The following GABRD variants were observed in gnomAD, a reference collection of about 807,000 sequenced individuals.
The protein encoded by GABRD is gamma-aminobutyric acid receptor subunit delta.
GABRD carries 25 observed loss-of-function variants against 47.3 expected under a neutral mutation model. The observed-to-expected ratio is 0.53, with a 90% CI of 0.39 to 0.74. The LOEUF is 0.74. Ranked by LOEUF, GABRD falls within the 30% of genes least tolerant of loss-of-function variation. GABRD has a pLI of 0.00. For synonymous variants in GABRD, 314 were observed against 278.8 expected (o/e 1.13, Z -1.26); for missense variants, 497 against 643.4 (o/e 0.77, Z 2.46).
At chr1:2,027,756 A>G (rs1019251037) in intron 5 of GABRD, 97 bp downstream of exon 5, 1 of 1,130,356 alleles carries the variant, frequency 8.8e-7, no homozygotes, top group South Asian at 1.3e-5. Context: ...CCGGCTCAGG[A>G]TGCAGGAAAG....
intron 1 of GABRD, among the ~76,000 whole-genome samples, chr1:2,022,554 AG>A (rs1380105793): frequency 2.0e-5 from 3 of 152,262 alleles, no homozygotes; most frequent in African/African-American, 7.2e-5. Context: ...TGGCCCAGGA[AG>A]GACGGTGTCT....
rs150818595 is a variant in GABRD, at chr1:2,028,716, C to CT, written c.692-395_692-394insT. On this transcript the variant is annotated intron_variant, in intron 6 of 8. Coordinates refer to ENST00000378585, the MANE Select transcript of GABRD (RefSeq NM_000815.5). This position sits in a 1 kb window ranked among gnomAD's most constrained non-coding sequence, Gnocchi z 6.4. ...CCCACTTTCCCACCCCTACGCACCC[C>CT]GTCCCCGGTCATCCAGAGCCAGTGA... is the stretch of plus-strand genomic sequence containing the variant. 0.013 allele frequency among the ~76,000 whole-genome samples: 1,988 copies of CT among 152,288 alleles called. 25 individuals are homozygous for CT. Among genetic ancestry groups the CT allele is most frequent in the African/African-American group, 0.037 (1,532 of 41,570 alleles).
intron 4 of GABRD, 136 bp downstream of exon 4, chr1:2,025,874 G>A: frequency 1.5e-6 from 1 of 687,234 alleles, no homozygotes; most frequent in East Asian, 2.7e-5. Context: ...GGGGGGGGCA[G>A]AAGCTGCGCG....
intron 4 of GABRD, 75 bp downstream of exon 4, chr1:2,025,813 C>A: frequency 7.4e-7 from 1 of 1,359,804 alleles, no homozygotes; most frequent in African/African-American, 1.4e-5. Context: ...CGCTCCAAGG[C>A]TTGGAAAAGC....
chr1:2,020,996 C>T (rs919193139), intron 1 of GABRD, among the ~76,000 whole-genome samples: 6 of 152,212 alleles, frequency 3.9e-5, no homozygotes, highest in Admixed American at 3.3e-4. Flanking sequence ...TCCTGGCCTG[C>T]ATCTGGCTCC....
At chr1:2,025,836 T>C in intron 4 of GABRD, 98 bp downstream of exon 4, 1 of 1,105,612 alleles carries the variant, frequency 9.0e-7, no homozygotes. Flanking sequence ...GAGCGGCTTC[T>C]GCTGCCGGGA....
chr1:2,020,906 G>C (rs1658754809), intron 1 of GABRD, among the ~76,000 whole-genome samples: 3 of 152,222 alleles, frequency 2.0e-5, no homozygotes, highest in Non-Finnish European at 4.4e-5. Context: ...TACACTTCCT[G>C]CTGGGAAATT....
chr1:2,027,561 A>G lies in GABRD; in HGVS notation c.471-16A>G. On this transcript the variant is annotated splice_polypyrimidine_tract_variant and intron_variant, in intron 4 of 8. Coordinates refer to ENST00000378585, the MANE Select transcript of GABRD (RefSeq NM_000815.5). ...GCCTCACCCCCAAGGCCTCACTGCCATGCTTGTCTTGGCAGAATCACCTCC... is the reference window on the plus strand; with the variant it reads ...GCCTCACCCCCAAGGCCTCACTGCCGTGCTTGTCTTGGCAGAATCACCTCC... 1 of 1,611,066 alleles carries G rather than the reference A, an allele frequency of 6.2e-7. No individual in the cohort carries two copies. The highest frequency in any genetic ancestry group is 2.2e-5 in the East Asian group (1 of 44,740).
rs538535957 is a variant in GABRD, at chr1:2,028,157, G to A, written c.556G>A (p.Gly186Ser). ...CCACCTGTGTGCTTTTCCTCCAGAC[G>A]GTTACTCATCGGAGGACATCGTCTA... ...QECMLDLESYGYSSEDIVYYW... is the reference protein window; with the variant it reads ...QECMLDLESYSYSSEDIVYYW... Residue 186 changes from glycine to serine, a missense_variant and splice_region_variant, in exon 6 of 9, where the codon GGT becomes AGT. Physicochemically the swap from Gly to Ser is moderately conservative, Grantham distance 56 (BLOSUM62 0). This residue lies in a region of GABRD where 285 missense variants were observed against 436.6 expected (regional missense o/e 0.65). Coordinates refer to ENST00000378585, the MANE Select transcript of GABRD (RefSeq NM_000815.5). The surrounding 1 kb of genome is among the most constrained non-coding windows in gnomAD (Gnocchi z 6.4). The A allele has an allele frequency of 1.2e-6, 2 of 1,609,074 alleles. No homozygotes were observed. Among genetic ancestry groups the A allele is most frequent in the Admixed American group, 1.7e-5 (1 of 59,874 alleles).
At chr1:2,026,791 C>T (rs143680539) in intron 4 of GABRD, 2,807 of 150,776 alleles carry the variant, frequency 0.019, 90 homozygotes, top group African/African-American at 0.065. Flanking sequence ...GCCGAGATTG[C>T]GCCACTGCAC....
Position 2,030,732 on chromosome 1 carries a change from G to T in GABRD, c.*450G>T, listed in dbSNP as rs1423247862. The T allele has an allele frequency of 6.4e-6, 1 of 155,858 alleles. No individual in the cohort carries two copies. Among genetic ancestry groups the T allele is most frequent in the African/African-American group, 2.4e-5 (1 of 41,566 alleles). 9.7% of individuals were successfully genotyped at this position (155,858 alleles called of 1,614,324 possible). ...GGTCCCAGCATGAAATAAAGCCTTG[G>T]CCTGGGGGCCGCTTCATTCTCCCTC... On this transcript the variant is annotated 3_prime_UTR_variant, in exon 9 of 9. Transcript: ENST00000378585.
At chr1:2,027,514 T>G in intron 4 of GABRD, 63 bp from the exon 5 acceptor site, 1 of 1,375,748 alleles carries the variant, frequency 7.3e-7, no homozygotes, top group Non-Finnish European at 1.0e-6. Context: ...GCAGGGGAAC[T>G]GCCAGGCTTT....
rs960420260 is a variant in GABRD, at chr1:2,028,135, C to T, written c.554-20C>T. The T allele has an allele frequency of 5.0e-6, 8 of 1,601,220 alleles. No individual in the cohort carries two copies. Among genetic ancestry groups the T allele is most frequent in the Admixed American group, 1.7e-5 (1 of 59,692 alleles). On this transcript the variant is annotated intron_variant, in intron 5 of 8. Transcript: ENST00000378585. The surrounding 1 kb of genome is among the most constrained non-coding windows in gnomAD (Gnocchi z 6.4). ...GGGCAGGGCCGGGCTCTGCCGCCCA[C>T]CTGTGTGCTTTTCCTCCAGACGGTT... is the stretch of plus-strand genomic sequence containing the variant.
chr1:2,021,831 T>C (rs1658786165), intron 1 of GABRD, among the ~76,000 whole-genome samples: 1 of 152,152 alleles, frequency 6.6e-6, no homozygotes, highest in African/African-American at 2.4e-5. Flanking sequence ...GTGGGCTGGG[T>C]GTGCGCCGTG....
intron 7 of GABRD, 121 bp from the exon 8 acceptor site, chr1:2,029,430 C>T: frequency 6.9e-7 from 1 of 1,454,044 alleles, no homozygotes; most frequent in Admixed American, 1.9e-5. Context: ...AGGACCTGCT[C>T]CCTGGGGTGG....
Position 2,028,495 on chromosome 1 carries a change from C to T in GABRD, c.691+203C>T, listed in dbSNP as rs1353067107. On this transcript the variant is annotated intron_variant, in intron 6 of 8. Transcript: ENST00000378585. The surrounding 1 kb of genome is among the most constrained non-coding windows in gnomAD (Gnocchi z 6.4). Reference sequence around the variant, plus strand: ...GCCTTAGGAACTTGCTCATTGGCACCAGCTGCACCTGAACCAGGGCTTCCA... The same window carrying T: ...GCCTTAGGAACTTGCTCATTGGCACTAGCTGCACCTGAACCAGGGCTTCCA... Among the ~76,000 whole-genome samples, 1 of 152,150 alleles carries T rather than the reference C, an allele frequency of 6.6e-6. No individual in the cohort carries two copies. Among genetic ancestry groups the T allele is most frequent in the Non-Finnish European group, 1.5e-5 (1 of 68,004 alleles).
rs1042621347 is a variant in GABRD, at chr1:2,019,375, C to T, written c.-49C>T. ...CCGCCCGCCTGTGCCGCCTGTGCGGCCGCCGGGAGCCAAGTTTGCGCGGAC... is the reference window on the plus strand; with the variant it reads ...CCGCCCGCCTGTGCCGCCTGTGCGGTCGCCGGGAGCCAAGTTTGCGCGGAC... On this transcript the variant is annotated 5_prime_UTR_variant, in exon 1 of 9. Transcript: ENST00000378585. The T allele has an allele frequency of 2.3e-5, 23 of 1,004,316 alleles. No homozygotes were observed. In the Admixed American group the frequency reaches 2.3e-4, roughly 10 times the overall value. The allele number at this position is 1,004,316 out of a possible 1,614,324, so 62.2% of individuals were successfully genotyped here. A position where few individuals can be genotyped will look rare whatever the true frequency, so the allele number is the denominator to read the frequency against.
Position 2,030,190 on chromosome 1 carries a change from G to C in GABRD, c.1267G>C (p.Asp423His). The C allele has an allele frequency of 6.4e-7, 1 of 1,563,906 alleles. No individual in the cohort carries two copies. Among genetic ancestry groups the C allele is most frequent in the East Asian group, 2.3e-5 (1 of 44,266 alleles). ...CATCCGTGCCCGGCTCAGGCCCATC[G>C]ACGCAGACACCATTGACATTTACGC... is the stretch of plus-strand genomic sequence containing the variant. The part of the protein sequence containing the change: ...GGIRARLRPI[D>H]ADTIDIYARA... The change falls in exon 9 of 9, where the codon GAC becomes CAC. Residue 423 changes from aspartate (D) to histidine (H), a missense_variant. Physicochemically the swap from Asp to His is moderately conservative, Grantham distance 81. Transcript: ENST00000378585.
chr1:2,021,713 G>A (rs1318768716), intron 1 of GABRD, among the ~76,000 whole-genome samples: 1 of 152,230 alleles, frequency 6.6e-6, no homozygotes, highest in East Asian at 1.9e-4. Context: ...CTGTGCTGCG[G>A]CTCCTACCGT....
Sources: gnomAD v4.1 joint callset for allele counts (sites outside exome capture counted in the v4.1 genomes callset) on GRCh38, gnomAD v4.1.1 for gene constraint, gnomAD v4.1.1 regional missense constraint, Gnocchi (gnomAD v3.1) non-coding constraint, MANE v1.5 for transcripts, NCBI Gene and HGNC (gene_info 2026-07-23, HGNC 2026-07-21) for gene names.